Variants in ASTN2 observed in about 807,000 individuals in gnomAD.
ASTN2 encodes astrotactin 2.
In ASTN2, 54 loss-of-function variants were observed where a neutral mutation model predicts 139.8. The ratio of observed to expected loss-of-function variants is 0.39; its 90% confidence interval spans 0.31 to 0.48. The LOEUF (loss-of-function observed/expected upper bound fraction) is 0.48, where lower values mean the gene tolerates loss of function less well. Ranked by LOEUF, ASTN2 falls within the 20% of genes least tolerant of loss-of-function variation. The pLI, the probability that ASTN2 is intolerant of heterozygous loss-of-function variation, is 0.95. For missense variants in ASTN2, 1,565 were observed against 1,725.1 expected (o/e 0.91, Z 1.64); for synonymous variants, 756 against 719.5 (o/e 1.05, Z -0.81).
intron 6 of ASTN2, among the ~76,000 whole-genome samples, chr9:117,019,718 G>A (rs1837817609): frequency 6.6e-6 from 1 of 152,118 alleles, no homozygotes; most frequent in South Asian, 2.1e-4. Context: ...GGAGGCAGCT[G>A]GTGAAATGTA....
intron 11 of ASTN2, among the ~76,000 whole-genome samples, chr9:116,859,860 T>G (rs1832832271): frequency 6.6e-6 from 1 of 152,362 alleles, no homozygotes; most frequent in African/African-American, 2.4e-5. Flanking sequence ...TTTCCTGGCA[T>G]GTCTAGATCA....
intron 13 of ASTN2, among the ~76,000 whole-genome samples, chr9:116,800,871 G>A (rs1166394323): frequency 3.3e-5 from 5 of 152,152 alleles, no homozygotes; most frequent in South Asian, 2.1e-4. Context: ...ATTTTTAAGC[G>A]CTTTGTAAAG....
chr9:117,112,054 C>T (rs968549492), intron 4 of ASTN2, among the ~76,000 whole-genome samples: 6 of 151,498 alleles, frequency 4.0e-5, no homozygotes, highest in South Asian at 2.1e-4. Context: ...GTAGAAAAAA[C>T]TCTCAAATAC....
chr9:116,930,187 A>G (rs73655523), intron 10 of ASTN2, among the ~76,000 whole-genome samples: 4,666 of 152,274 alleles, frequency 0.031, 257 homozygotes, highest in African/African-American at 0.11. Flanking sequence ...ATTGGGATGG[A>G]CCACTTTGTT....
chr9:117,027,498 C>G (rs1330596801), intron 6 of ASTN2, among the ~76,000 whole-genome samples: 2 of 152,180 alleles, frequency 1.3e-5, no homozygotes. Flanking sequence ...TCCTGCCACA[C>G]CTTTGCTCAT....
intron 20 of ASTN2, among the ~76,000 whole-genome samples, chr9:116,481,501 G>A (rs564272596): frequency 6.6e-6 from 1 of 152,294 alleles, no homozygotes; most frequent in South Asian, 2.1e-4. Context: ...AAAATTATGT[G>A]CATGTGCTAG....
chr9:117,107,881 T>C (rs145816929), intron 4 of ASTN2, among the ~76,000 whole-genome samples: 1,928 of 152,362 alleles, frequency 0.013, 28 homozygotes, highest in Middle Eastern at 0.044. Flanking sequence ...CCCTTTCTTC[T>C]AGTCTCTCAA....
chr9:116,661,756 G>C (rs1231758550), intron 16 of ASTN2, among the ~76,000 whole-genome samples: 4 of 152,010 alleles, frequency 2.6e-5, no homozygotes, highest in African/African-American at 9.7e-5. Flanking sequence ...TCTTTGTATA[G>C]TTACACAAGT....
intron 19 of ASTN2, chr9:116,611,085 CAT>C (rs201162264): frequency 2.0e-5 from 3 of 151,718 alleles, no homozygotes; most frequent in African/African-American, 7.3e-5. Context: ...GTCATAAAAA[CAT>C]ATTTTCTGAC....
intron 10 of ASTN2, among the ~76,000 whole-genome samples, chr9:116,954,892 TG>T (rs1266833152): frequency 6.6e-6 from 1 of 152,228 alleles, no homozygotes; most frequent in Non-Finnish European, 1.5e-5. Flanking sequence ...CCAGACCTAC[TG>T]AACCAGAAAA....
intron 1 of ASTN2, among the ~76,000 whole-genome samples, chr9:117,367,451 C>G (rs114390766): frequency 1.1e-4 from 16 of 152,038 alleles, no homozygotes; most frequent in Admixed American, 1.0e-3. Flanking sequence ...ACTTCAAATG[C>G]GTTTTCTGTA....
chr9:116,487,498 C>G lies in ASTN2; in HGVS notation c.3358G>C (p.Glu1120Gln), dbSNP rs768126115. The change falls in exon 20 of 23, where the codon GAA becomes CAA. Residue 1120 changes from glutamate (E) to glutamine (Q), a missense_variant and splice_region_variant. By Grantham distance (29) the Glu-to-Gln change is conservative. This residue lies in a region of ASTN2 where 418 missense variants were observed against 465.8 expected (regional missense o/e 0.90). Transcript: ENST00000313400. ...AAGTCATCAGCAAAACTCAGGAATT[C>G]TCCTGGAGGGAGAAAAAGAAAGATG... ...EYTDTDLYTG[E>Q]FLSFADDLLS... 2 of 1,613,406 alleles carry G rather than the reference C, an allele frequency of 1.2e-6. No individual in the cohort carries two copies. The highest frequency in any genetic ancestry group is 1.7e-6 in the Non-Finnish European group (2 of 1,179,780).
intron 10 of ASTN2, among the ~76,000 whole-genome samples, chr9:116,868,559 C>G (rs1833076006): frequency 6.6e-6 from 1 of 152,156 alleles, no homozygotes; most frequent in Non-Finnish European, 1.5e-5. Context: ...TGCATGTGGT[C>G]CACAATAGCC....
intron 3 of ASTN2, among the ~76,000 whole-genome samples, chr9:117,165,015 C>G (rs1209531821): frequency 1.3e-5 from 2 of 152,184 alleles, no homozygotes; most frequent in African/African-American, 4.8e-5. Flanking sequence ...GAAGATATGG[C>G]TGGTGTAGGG....
rs112487457 is a variant in ASTN2, at chr9:117,393,850, G to T, written c.442+20647C>A. On this transcript the variant is annotated intron_variant, in intron 1 of 22. Coordinates refer to ENST00000313400, the MANE Select transcript of ASTN2 (RefSeq NM_001365068.1). ...AATGGGCAGGCTCTGGTATGAAATGGGCAAGCTCTGGGATATGGAGGAGGA... is the reference window on the plus strand; with the variant it reads ...AATGGGCAGGCTCTGGTATGAAATGTGCAAGCTCTGGGATATGGAGGAGGA... 1.9e-3 allele frequency among the ~76,000 whole-genome samples: 291 copies of T among 152,126 alleles called. 2 individuals carry two copies. The highest frequency in any genetic ancestry group is 6.5e-3 in the African/African-American group (269 of 41,470).
intron 17 of ASTN2, among the ~76,000 whole-genome samples, chr9:116,635,769 C>A (rs1857043946): frequency 6.6e-6 from 1 of 152,162 alleles, no homozygotes; most frequent in Non-Finnish European, 1.5e-5. Flanking sequence ...AAAGCCCAAG[C>A]TCTTTTGATA....
Position 116,651,521 on chromosome 9 carries a change from A to C in ASTN2, c.3072+7T>G. ...TTTGACTGAGTGGCTGGGCCAGGGG[A>C]GCTCACCTCCTTTGTGCCATTGTCT... On this transcript the variant is annotated splice_region_variant and intron_variant, in intron 17 of 22. Coordinates refer to ENST00000313400, the MANE Select transcript of ASTN2 (RefSeq NM_001365068.1). The C allele has an allele frequency of 6.2e-7, 1 of 1,610,906 alleles. No homozygotes were observed. Among genetic ancestry groups the C allele is most frequent in the Non-Finnish European group, 8.5e-7 (1 of 1,177,694 alleles).
intron 1 of ASTN2, among the ~76,000 whole-genome samples, chr9:117,294,037 C>A (rs550446985): frequency 1.3e-5 from 2 of 152,332 alleles, no homozygotes; most frequent in South Asian, 2.1e-4. Context: ...TTGCTCCTAG[C>A]ACTCTCTCCA....
chr9:116,937,079 T>C (rs1433352776), intron 10 of ASTN2, among the ~76,000 whole-genome samples: 2 of 152,220 alleles, frequency 1.3e-5, no homozygotes, highest in Non-Finnish European at 2.9e-5. Flanking sequence ...GCTCAGCCAA[T>C]GCTAGGACAA....
Sources: allele counts gnomAD v4.1 joint callset (sites outside exome capture counted in the v4.1 genomes callset), GRCh38; gene constraint gnomAD v4.1.1; regional missense constraint gnomAD v4.1.1; transcripts MANE v1.5; gene names NCBI Gene and HGNC (gene_info 2026-07-23, HGNC 2026-07-21).